ASIC2: variants seen among roughly 807,000 people sequenced by gnomAD.
ASIC2 encodes the protein acid sensing ion channel subunit 2.
A neutral mutation model predicts 57.3 loss-of-function variants in ASIC2; 25 were observed. The ratio of observed to expected loss-of-function variants is 0.44; its 90% CI spans 0.32 to 0.61. The LOEUF (loss-of-function observed/expected upper bound fraction) is 0.61, where lower values mean the gene tolerates loss of function less well. Ranked by LOEUF, ASIC2 falls within the 20% of genes least tolerant of loss-of-function variation. The pLI is 0.06. For synonymous variants in ASIC2, 319 were observed against 307.5 expected (o/e 1.04, Z -0.39); for missense variants, 641 against 738.1 (o/e 0.87, Z 1.52).
At chr17:33,660,483 T>C (rs986919428) in intron 1 of ASIC2, among the ~76,000 whole-genome samples, 1 of 152,218 alleles carries the variant, frequency 6.6e-6, no homozygotes, top group Non-Finnish European at 1.5e-5. Context: ...TTTTACTTTT[T>C]AAGGATTTTT....
intron 1 of ASIC2, among the ~76,000 whole-genome samples, chr17:33,742,035 T>C (rs570729171): frequency 7.9e-5 from 12 of 152,332 alleles, no homozygotes; most frequent in African/African-American, 2.6e-4. Flanking sequence ...AGGTGCCAGA[T>C]GATCACCAGA....
At chr17:33,431,244 C>A (rs2080050618) in intron 1 of ASIC2, among the ~76,000 whole-genome samples, 1 of 152,110 alleles carries the variant, frequency 6.6e-6, no homozygotes, top group African/African-American at 2.4e-5. Flanking sequence ...GTACCCCATC[C>A]AGAGTCCACA....
chr17:33,634,240 T>C (rs1906272049), intron 1 of ASIC2, among the ~76,000 whole-genome samples: 1 of 152,206 alleles, frequency 6.6e-6, no homozygotes, highest in Non-Finnish European at 1.5e-5. Context: ...ATGTCTGGGC[T>C]CCAGATTTCA....
chr17:33,860,360 A>G (rs1157105088), intron 1 of ASIC2, among the ~76,000 whole-genome samples: 1 of 152,138 alleles, frequency 6.6e-6, no homozygotes, highest in Non-Finnish European at 1.5e-5. Flanking sequence ...TCCTCTCTCT[A>G]GTGGTGGAGT....
At chr17:34,033,536 G>C (rs1907718703) in intron 1 of ASIC2, among the ~76,000 whole-genome samples, 1 of 152,124 alleles carries the variant, frequency 6.6e-6, no homozygotes, top group Non-Finnish European at 1.5e-5. Context: ...GAAGGAAATA[G>C]AGACACAAAA....
intron 1 of ASIC2, among the ~76,000 whole-genome samples, chr17:33,929,444 A>G (rs761419507): frequency 2.0e-5 from 3 of 152,218 alleles, no homozygotes; most frequent in Non-Finnish European, 4.4e-5. Context: ...AGTTAATTCA[A>G]CGTTCACCAA....
intron 1 of ASIC2, among the ~76,000 whole-genome samples, chr17:34,078,507 A>ACCTTCCT (rs2142076003): frequency 6.6e-6 from 1 of 152,242 alleles, no homozygotes; most frequent in African/African-American, 2.4e-5. Context: ...GGGCCCTAGG[A>ACCTTCCT]GCTCATTCTG....
At chr17:33,490,051 C>T (rs1167008818) in intron 1 of ASIC2, among the ~76,000 whole-genome samples, 1 of 152,150 alleles carries the variant, frequency 6.6e-6, no homozygotes, top group Admixed American at 6.5e-5. Context: ...TTGTGTTTTG[C>T]TTTTATCATT....
intron 1 of ASIC2, among the ~76,000 whole-genome samples, chr17:33,606,805 GC>G (rs1259641640): frequency 6.6e-6 from 1 of 152,200 alleles, no homozygotes; most frequent in Non-Finnish European, 1.5e-5. Flanking sequence ...AAGGCAAGAT[GC>G]CAACAAAGGG....
At chr17:33,715,031 T>C (rs1371518410) in intron 1 of ASIC2, among the ~76,000 whole-genome samples, 4 of 149,468 alleles carry the variant, frequency 2.7e-5, no homozygotes, top group African/African-American at 1.0e-4. Flanking sequence ...CAGGGTTCTC[T>C]CTCTGTCACT....
chr17:33,675,771 C>T (rs2142054277), intron 1 of ASIC2, among the ~76,000 whole-genome samples: 1 of 152,222 alleles, frequency 6.6e-6, no homozygotes, highest in Middle Eastern at 3.4e-3. Flanking sequence ...AGGGTTTCAC[C>T]ATGTTGCCCA....
At chr17:33,613,231 C>G (rs149988833) in intron 1 of ASIC2, among the ~76,000 whole-genome samples, 1 of 152,240 alleles carries the variant, frequency 6.6e-6, no homozygotes, top group Non-Finnish European at 1.5e-5. Flanking sequence ...GTGGTAGAAC[C>G]TTCAAATAAA....
At chr17:33,912,874 G>A (rs1385321448) in intron 1 of ASIC2, among the ~76,000 whole-genome samples, 5 of 151,832 alleles carry the variant, frequency 3.3e-5, no homozygotes, top group Admixed American at 6.6e-5. Context: ...AGCTACACTG[G>A]AGGCTGAGGC....
chr17:33,476,484 T>G (rs1267256006), intron 1 of ASIC2, among the ~76,000 whole-genome samples: 1 of 148,836 alleles, frequency 6.7e-6, no homozygotes, highest in Non-Finnish European at 1.5e-5. Flanking sequence ...ATAGAAAACC[T>G]TTTGCAAAGT....
At chr17:33,553,929 A>T (rs909581920) in intron 1 of ASIC2, among the ~76,000 whole-genome samples, 1 of 152,226 alleles carries the variant, frequency 6.6e-6, no homozygotes, top group African/African-American at 2.4e-5. Flanking sequence ...TGCATGAGGC[A>T]GGTAGACGTT....
At chr17:33,175,118 TA>T (rs1471295288) in intron 1 of ASIC2, among the ~76,000 whole-genome samples, 2 of 152,250 alleles carry the variant, frequency 1.3e-5, no homozygotes, top group African/African-American at 4.8e-5. Context: ...TACATGAAGC[TA>T]AGCACTCTGG....
At chr17:33,834,434 T>A (rs765900845) in intron 1 of ASIC2, 1 of 152,208 alleles carries the variant, frequency 6.6e-6, no homozygotes, top group Non-Finnish European at 1.5e-5. Context: ...GCCCAGCTGT[T>A]GGTATTTGAT....
chr17:34,099,798 G>GAAAGAAAGAAAAGA (rs1567821875), intron 1 of ASIC2, among the ~76,000 whole-genome samples: 6 of 99,132 alleles, frequency 6.1e-5, no homozygotes, highest in Admixed American at 9.7e-5. Flanking sequence ...AAGAAAGAAA[G>GAAAGAAAGAAAAGA]AAAGAAAAGA....
intron 1 of ASIC2, among the ~76,000 whole-genome samples, chr17:33,682,161 G>A (rs1030203656): frequency 2.7e-5 from 4 of 149,876 alleles, no homozygotes; most frequent in African/African-American, 7.4e-5. Flanking sequence ...CCGAGTTCAC[G>A]CCATTCTCCT....
Sources: gnomAD v4.1 joint callset for allele counts (sites outside exome capture counted in the v4.1 genomes callset) on GRCh38, gnomAD v4.1.1 for gene constraint, MANE v1.5 for transcripts, NCBI Gene and HGNC (gene_info 2026-07-23, HGNC 2026-07-21) for gene names.